The following RPTOR variants were observed in gnomAD, a reference collection of about 807,000 sequenced individuals.
The protein encoded by RPTOR is regulatory-associated protein of mTOR.
In RPTOR, 21 loss-of-function variants were observed where a neutral mutation model predicts 169.9. That is an observed-to-expected ratio of 0.12 (90% CI 0.09 to 0.18). RPTOR has a LOEUF of 0.18. Ranked by LOEUF, RPTOR falls within the 10% of genes least tolerant of loss-of-function variation. RPTOR has a pLI of 1.00. For synonymous variants in RPTOR, 732 were observed against 753.2 expected (o/e 0.97, Z 0.46); for missense variants, 1,133 against 1,855.9 (o/e 0.61, Z 7.16).
intron 13 of RPTOR, among the ~76,000 whole-genome samples, chr17:80,875,928 G>A (rs76199636): frequency 8.9e-4 from 50 of 56,388 alleles, no homozygotes; most frequent in East Asian, 2.6e-3. Flanking sequence ...AGCCCGTGCC[G>A]CCCAGGATGT....
intron 3 of RPTOR, among the ~76,000 whole-genome samples, chr17:80,679,816 T>C (rs1377145106): frequency 6.6e-6 from 1 of 152,222 alleles, no homozygotes. Context: ...TACACAGCCT[T>C]CCTTTCTCTG....
At chr17:80,574,985 T>G (rs941610843) in intron 1 of RPTOR, among the ~76,000 whole-genome samples, 1 of 144,770 alleles carries the variant, frequency 6.9e-6, no homozygotes, top group Admixed American at 6.9e-5. Flanking sequence ...TTTTATATCT[T>G]ATTATTTCCT....
At chr17:80,849,304 C>A (rs1014926437) in intron 11 of RPTOR, among the ~76,000 whole-genome samples, 5 of 152,190 alleles carry the variant, frequency 3.3e-5, no homozygotes, top group Non-Finnish European at 5.9e-5. Flanking sequence ...CATCCCTAAG[C>A]CAGAGGCAGT....
intron 13 of RPTOR, among the ~76,000 whole-genome samples, chr17:80,868,989 G>C (rs550862263): frequency 6.6e-6 from 1 of 152,288 alleles, no homozygotes; most frequent in South Asian, 2.1e-4. Flanking sequence ...TGAGGGGCCA[G>C]ACCCCACCTA....
chr17:80,908,999 T>A, intron 21 of RPTOR, 70 bp downstream of exon 21: 1 of 1,071,854 alleles, frequency 9.3e-7, no homozygotes, highest in Non-Finnish European at 1.4e-6. Flanking sequence ...TGCCAGGAAC[T>A]CCAGGTGTGC....
chr17:80,834,598 C>T (rs980932081), intron 9 of RPTOR, among the ~76,000 whole-genome samples: 1 of 152,198 alleles, frequency 6.6e-6, no homozygotes, highest in Non-Finnish European at 1.5e-5. Flanking sequence ...CTTTTAGGAG[C>T]ACATGTCCCA....
At chr17:80,768,956 T>C (rs2066815330) in intron 6 of RPTOR, among the ~76,000 whole-genome samples, 1 of 152,214 alleles carries the variant, frequency 6.6e-6, no homozygotes, top group Non-Finnish European at 1.5e-5. Flanking sequence ...GATCATTTGA[T>C]TTGTGCTAAA....
intron 19 of RPTOR, among the ~76,000 whole-genome samples, chr17:80,893,234 G>A (rs376276220): frequency 6.6e-5 from 10 of 152,094 alleles, no homozygotes; most frequent in East Asian, 1.9e-4. Flanking sequence ...CTGTGTGTGC[G>A]CCGGGGCGTG....
At position 80,845,393 on chromosome 17, in the gene RPTOR, C is replaced by T. The variant is rs1180562592; in HGVS notation, c.1213-1080C>T. On this transcript the variant is annotated intron_variant, in intron 10 of 33. Coordinates refer to ENST00000306801, the MANE Select transcript of RPTOR (RefSeq NM_020761.3). The surrounding 1 kb of genome is among the most constrained non-coding windows in gnomAD (Gnocchi z 5.4). Reference sequence around the variant, plus strand: ...TCCAGCTGCAACCCCTCCTCCCGCCCTCACCCCAGAGAGTACCCTCGTTTC... The same window carrying T: ...TCCAGCTGCAACCCCTCCTCCCGCCTTCACCCCAGAGAGTACCCTCGTTTC... Among the ~76,000 whole-genome samples, 1 of 152,162 alleles carries T rather than the reference C, an allele frequency of 6.6e-6. No homozygotes were observed. Among genetic ancestry groups the T allele is most frequent in the Admixed American group, 6.5e-5 (1 of 15,286 alleles).
In RPTOR at chr17:80,948,258, C is replaced by G. The variant is rs532037463; in HGVS notation, c.3265+907C>G. On this transcript the variant is annotated intron_variant, in intron 27 of 33. Coordinates refer to ENST00000306801, the MANE Select transcript of RPTOR (RefSeq NM_020761.3). The stretch of plus-strand genomic sequence containing the variant: ...GCTGACAAGTGCGCAGCCCTCTCAA[C>G]GCGGTTGCGGGCTCCTGGTGAGGGG... Among the ~76,000 whole-genome samples the G allele has an allele frequency of 3.9e-4, 59 of 152,360 alleles. No homozygotes were observed. The East Asian group carries it at 6.6e-3, about 17-fold the overall frequency.
intron 1 of RPTOR, among the ~76,000 whole-genome samples, chr17:80,549,365 CT>C (rs2084317581): frequency 1.3e-5 from 2 of 152,118 alleles, no homozygotes; most frequent in South Asian, 4.1e-4. Context: ...TATATCTCCC[CT>C]ATTTGTGTTT....
At chr17:80,785,541 G>A (rs1282093888) in intron 6 of RPTOR, among the ~76,000 whole-genome samples, 1 of 152,176 alleles carries the variant, frequency 6.6e-6, no homozygotes, top group East Asian at 1.9e-4. Context: ...GTGAGTGGGT[G>A]AAATGAGTCC....
intron 6 of RPTOR, among the ~76,000 whole-genome samples, chr17:80,778,676 A>G (rs997936175): frequency 3.9e-5 from 6 of 152,078 alleles, no homozygotes; most frequent in South Asian, 2.1e-4. Flanking sequence ...TGGTGCGCCT[A>G]TGGTCCCAGC....
chr17:80,570,439 G>A (rs535379137), intron 1 of RPTOR, among the ~76,000 whole-genome samples: 2 of 151,942 alleles, frequency 1.3e-5, no homozygotes, highest in Non-Finnish European at 2.9e-5. Flanking sequence ...GGTTAGAGTA[G>A]CTGATGGTTG....
rs1416242832 is a variant in RPTOR at position 80,949,456 on chromosome 17, C to G, written c.3279C>G (p.Ile1093Met). Residue 1093 changes from isoleucine (I) to methionine (M), a missense_variant, in exon 28 of 34, where the codon ATC (isoleucine) becomes ATG (methionine). This residue lies in a region of RPTOR where 410 missense variants were observed against 623.7 expected (regional missense o/e 0.66). Coordinates refer to ENST00000306801, the MANE Select transcript of RPTOR (RefSeq NM_020761.3). ...LLLTATDDGA[I>M]RVWKNFADLE... ...CTCCCTCCCCAGACGATGGTGCCAT[C>G]AGGGTCTGGAAGAATTTTGCTGATT... is the stretch of plus-strand genomic sequence containing the variant. 3 of 1,613,916 alleles carry G rather than the reference C, an allele frequency of 1.9e-6. No homozygotes were observed. The highest frequency in any genetic ancestry group is 3.3e-5 in the Admixed American group (2 of 60,008).
At chr17:80,552,673 A>G (rs768271789) in intron 1 of RPTOR, among the ~76,000 whole-genome samples, 2 of 152,234 alleles carry the variant, frequency 1.3e-5, no homozygotes, top group Non-Finnish European at 2.9e-5. Context: ...ACAGCACCAT[A>G]AATTACCTAG....
At chr17:80,951,468 G>C (rs1466523376) in intron 28 of RPTOR, among the ~76,000 whole-genome samples, 1 of 152,238 alleles carries the variant, frequency 6.6e-6, no homozygotes, top group African/African-American at 2.4e-5. Flanking sequence ...GCGGGGGAAG[G>C]CAGCAGAGGC....
At chr17:80,958,378 G>A (rs1473581376) in intron 29 of RPTOR, among the ~76,000 whole-genome samples, 6 of 147,656 alleles carry the variant, frequency 4.1e-5, no homozygotes, top group East Asian at 2.0e-4. Context: ...GGTGTGAGCC[G>A]CTACAGAAGA....
chr17:80,818,280 T>C (rs972402245), intron 7 of RPTOR, among the ~76,000 whole-genome samples: 1 of 152,218 alleles, frequency 6.6e-6, no homozygotes, highest in African/African-American at 2.4e-5. Flanking sequence ...TGTAGCTTTT[T>C]ACAGTTTTCA....
Sources: gnomAD v4.1 joint callset for allele counts (sites outside exome capture counted in the v4.1 genomes callset) on GRCh38, gnomAD v4.1.1 for gene constraint, gnomAD v4.1.1 regional missense constraint, Gnocchi (gnomAD v3.1) non-coding constraint, MANE v1.5 for transcripts, NCBI Gene and HGNC (gene_info 2026-07-23, HGNC 2026-07-21) for gene names.